The following SDCCAG8 variants were observed in gnomAD, a reference collection of about 807,000 sequenced individuals.
The protein encoded by SDCCAG8 is SHH signaling and ciliogenesis regulator SDCCAG8, also known as serologically defined colon cancer antigen 8.
SDCCAG8 carries 74 observed loss-of-function variants against 101.8 expected under a neutral mutation model. The observed-to-expected ratio is 0.73, with a 90% CI of 0.60 to 0.88. The LOEUF (loss-of-function observed/expected upper bound fraction) is 0.88. Ranked by LOEUF, SDCCAG8 falls within the 40% of genes least tolerant of loss-of-function variation. The pLI, the probability that SDCCAG8 is intolerant of heterozygous loss-of-function variation, is 0.00. For missense variants in SDCCAG8, 787 were observed against 822.6 expected, an observed-to-expected ratio of 0.96 and a Z score of 0.53; for synonymous variants, 281 against 292.9, an observed-to-expected ratio of 0.96 and a Z score of 0.41.
rs2080435453 is a variant in SDCCAG8, at chr1:243,414,582, G to A, written c.1617-1120G>A. On this transcript the variant is annotated intron_variant, in intron 13 of 17. Coordinates refer to ENST00000366541, the MANE Select transcript of SDCCAG8 (RefSeq NM_006642.5). Reference sequence around the variant, plus strand: ...ACATGCATTGACCAATTTTAATACAGGCTTTCCTTATGTTGCTTTATAATT... The same window carrying A: ...ACATGCATTGACCAATTTTAATACAAGCTTTCCTTATGTTGCTTTATAATT... Among the ~76,000 whole-genome samples, 2 of 152,030 alleles carry A rather than the reference G, an allele frequency of 1.3e-5. 1 individual carries two copies. The highest frequency in any genetic ancestry group is 1.3e-4 in the Admixed American group (2 of 15,258).
chr1:243,462,360 T>C (rs943500413), intron 16 of SDCCAG8, among the ~76,000 whole-genome samples: 3 of 152,240 alleles, frequency 2.0e-5, no homozygotes, highest in Non-Finnish European at 1.5e-5. Context: ...AAAAGTCATC[T>C]CGTGCATATA....
At chr1:243,329,436 T>C (rs887627305) in intron 9 of SDCCAG8, among the ~76,000 whole-genome samples, 1 of 152,188 alleles carries the variant, frequency 6.6e-6, no homozygotes, top group Non-Finnish European at 1.5e-5. Flanking sequence ...GAGGGAAGCA[T>C]AACTATGCAT....
intron 13 of SDCCAG8, among the ~76,000 whole-genome samples, chr1:243,383,940 A>G (rs895081600): frequency 6.6e-6 from 1 of 152,012 alleles, no homozygotes. Flanking sequence ...CTCTAGCTCT[A>G]TTATAATCTT....
At chr1:243,381,046 A>G (rs1214154513) in intron 13 of SDCCAG8, among the ~76,000 whole-genome samples, 1 of 151,970 alleles carries the variant, frequency 6.6e-6, no homozygotes, top group Non-Finnish European at 1.5e-5. Flanking sequence ...TTCAGTGTAG[A>G]TCAGCTGAAA....
chr1:243,493,899 T>C (rs6429427), intron 17 of SDCCAG8, among the ~76,000 whole-genome samples: 5,335 of 146,406 alleles, frequency 0.036, 328 homozygotes, highest in African/African-American at 0.13. Flanking sequence ...AGAAGGGAGG[T>C]TCTAGAAAAG....
intron 13 of SDCCAG8, among the ~76,000 whole-genome samples, chr1:243,382,805 G>A (rs997591124): frequency 9.2e-5 from 14 of 152,190 alleles, no homozygotes; most frequent in Non-Finnish European, 1.5e-4. Context: ...TGGCTGTCCC[G>A]TGAAGTGGAA....
intron 8 of SDCCAG8, among the ~76,000 whole-genome samples, chr1:243,316,340 G>GAA (rs1385281634): frequency 6.6e-6 from 1 of 152,196 alleles, no homozygotes; most frequent in Non-Finnish European, 1.5e-5. Flanking sequence ...TAAATGAGAG[G>GAA]AGAATCTGCT....
intron 12 of SDCCAG8, among the ~76,000 whole-genome samples, chr1:243,348,705 G>A (rs1234524611): frequency 6.6e-6 from 1 of 151,862 alleles, no homozygotes; most frequent in Non-Finnish European, 1.5e-5. Context: ...CGGGCGTGGT[G>A]GCTCACGCCT....
intron 12 of SDCCAG8, among the ~76,000 whole-genome samples, chr1:243,375,912 T>C (rs1262289646): frequency 6.6e-6 from 1 of 152,184 alleles, no homozygotes; most frequent in East Asian, 1.9e-4. Flanking sequence ...CTGGTCCAGC[T>C]GGTTAGATTA....
intron 6 of SDCCAG8, among the ~76,000 whole-genome samples, chr1:243,302,118 C>T (rs913226766): frequency 6.6e-5 from 10 of 152,120 alleles, no homozygotes; most frequent in South Asian, 6.2e-4. Context: ...CATGATGTCA[C>T]GTGCCTGTAA....
chr1:243,298,799 A>G (rs1412222536), intron 6 of SDCCAG8, among the ~76,000 whole-genome samples: 4 of 152,190 alleles, frequency 2.6e-5, no homozygotes, highest in Admixed American at 6.5e-5. Flanking sequence ...ATTTGGGTCT[A>G]TTACTGGACT....
intron 16 of SDCCAG8, among the ~76,000 whole-genome samples, chr1:243,450,456 T>C (rs1217876748): frequency 6.6e-6 from 1 of 152,132 alleles, no homozygotes; most frequent in Non-Finnish European, 1.5e-5. Flanking sequence ...GGTGATTGAA[T>C]ACCTATTACA....
intron 16 of SDCCAG8, among the ~76,000 whole-genome samples, chr1:243,432,894 A>G (rs1350244471): frequency 6.6e-6 from 1 of 152,154 alleles, no homozygotes; most frequent in African/African-American, 2.4e-5. Flanking sequence ...ATATATAATA[A>G]TGAGATGATT....
At chr1:243,438,766 G>GC (rs1349940742) in intron 16 of SDCCAG8, among the ~76,000 whole-genome samples, 1 of 152,230 alleles carries the variant, frequency 6.6e-6, no homozygotes, top group Non-Finnish European at 1.5e-5. Context: ...TGGTGAGCCA[G>GC]AGTGGCTCCT....
chr1:243,469,910 A>T (rs894249774), intron 16 of SDCCAG8, among the ~76,000 whole-genome samples: 1 of 147,642 alleles, frequency 6.8e-6, no homozygotes, highest in African/African-American at 2.6e-5. Context: ...CCTATCTCTC[A>T]GAGTTTCTTG....
intron 5 of SDCCAG8, among the ~76,000 whole-genome samples, chr1:243,288,768 G>A (rs1300756228): frequency 6.6e-6 from 1 of 152,068 alleles, no homozygotes; most frequent in African/African-American, 2.4e-5. Context: ...CAACACTTTG[G>A]GAGACCAAGG....
intron 16 of SDCCAG8, among the ~76,000 whole-genome samples, chr1:243,437,326 A>C (rs1262489045): frequency 6.6e-6 from 1 of 152,140 alleles, no homozygotes. Flanking sequence ...AGGAAAAAAG[A>C]CATGATATTT....
At chr1:243,270,072 T>G in intron 1 of SDCCAG8, 33 bp from the exon 2 acceptor site, 1 of 1,614,150 alleles carries the variant, frequency 6.2e-7, no homozygotes, top group South Asian at 1.1e-5. Context: ...CCAGACTCCA[T>G]GGGTCCTAAC....
chr1:243,421,622 C>T (rs928525331), intron 15 of SDCCAG8, among the ~76,000 whole-genome samples: 3 of 152,150 alleles, frequency 2.0e-5, no homozygotes, highest in Non-Finnish European at 2.9e-5. Flanking sequence ...GTGAATGGCA[C>T]GTCCCATTTT....
Sources: allele counts gnomAD v4.1 joint callset (sites outside exome capture counted in the v4.1 genomes callset), GRCh38; gene constraint gnomAD v4.1.1; transcripts MANE v1.5; gene names NCBI Gene and HGNC (gene_info 2026-07-23, HGNC 2026-07-21).